Variants in CRADD observed in about 807,000 individuals in gnomAD.
The protein encoded by CRADD is death domain-containing protein CRADD.
Under a neutral mutation model 15.5 loss-of-function variants are expected in CRADD, and 9 were observed. The ratio of observed to expected loss-of-function variants is 0.58; its 90% CI spans 0.35 to 1.01. The LOEUF (loss-of-function observed/expected upper bound fraction) is 1.01, where lower values mean the gene tolerates loss of function less well. CRADD is among the 50% of genes least tolerant of loss of function. CRADD has a pLI of 0.02. For synonymous variants in CRADD, 118 were observed against 107.6 expected, an observed-to-expected ratio of 1.10 and a Z score of -0.60; for missense variants, 227 against 250.3, an observed-to-expected ratio of 0.91 and a Z score of 0.63.
At chr12:93,775,310 CA>C (rs1352951167) in intron 2 of CRADD, among the ~76,000 whole-genome samples, 1 of 152,172 alleles carries the variant, frequency 6.6e-6, no homozygotes, top group East Asian at 1.9e-4. Flanking sequence ...TTTGTAGGGG[CA>C]GGGGTAAGAT....
chr12:93,831,819 A>C (rs900131169), intron 2 of CRADD, among the ~76,000 whole-genome samples: 1 of 152,250 alleles, frequency 6.6e-6, no homozygotes, highest in Non-Finnish European at 1.5e-5. Flanking sequence ...TATCACATGC[A>C]GTCAGGTCAC....
At chr12:93,839,135 C>T (rs1332960736) in intron 2 of CRADD, among the ~76,000 whole-genome samples, 3 of 152,074 alleles carry the variant, frequency 2.0e-5, no homozygotes, top group African/African-American at 7.2e-5. Flanking sequence ...ATTTTTTGCT[C>T]TCCACTGCAT....
chr12:93,714,903 T>C (rs1956135357), intron 2 of CRADD: 2 of 152,110 alleles, frequency 1.3e-5, no homozygotes, highest in Non-Finnish European at 2.9e-5. Flanking sequence ...GACTCTACGA[T>C]TGAGACAAGA....
intron 2 of CRADD, among the ~76,000 whole-genome samples, chr12:93,858,187 CCTT>C (rs1476903111): frequency 6.6e-6 from 1 of 152,198 alleles, no homozygotes; most frequent in Non-Finnish European, 1.5e-5. Flanking sequence ...CAAATCCCCT[CCTT>C]ATGAAAGTGT....
At chr12:93,789,047 AAGGTGAGAGACTG>A (rs1203544956) in intron 2 of CRADD, among the ~76,000 whole-genome samples, 1 of 152,060 alleles carries the variant, frequency 6.6e-6, no homozygotes, top group Non-Finnish European at 1.5e-5. Context: ...CAACCACTTC[AAGGTGAGAGACTG>A]GGGTGGTGGT....
chr12:93,875,068 C>G (rs965942705), intron 2 of CRADD, among the ~76,000 whole-genome samples: 3 of 151,976 alleles, frequency 2.0e-5, no homozygotes, highest in African/African-American at 7.2e-5. Context: ...CCCTTCAGCT[C>G]TAATATTTGT....
At chr12:93,845,563 A>AATAT (rs757508123) in intron 2 of CRADD, among the ~76,000 whole-genome samples, 47 of 71,428 alleles carry the variant, frequency 6.6e-4, no homozygotes, top group Middle Eastern at 8.8e-3. Flanking sequence ...GTCTCTATTA[A>AATAT]ATATATATAT....
intron 2 of CRADD, among the ~76,000 whole-genome samples, chr12:93,890,771 T>G (rs1958570654): frequency 6.6e-6 from 1 of 151,712 alleles, no homozygotes; most frequent in Non-Finnish European, 1.5e-5. Flanking sequence ...TTCTTTTTTT[T>G]TTTTTGAGAC....
At chr12:93,813,798 T>C (rs1374542027) in intron 2 of CRADD, among the ~76,000 whole-genome samples, 1 of 151,928 alleles carries the variant, frequency 6.6e-6, no homozygotes, top group African/African-American at 2.4e-5. Flanking sequence ...AGGATGAGCT[T>C]AGAGCTGCCG....
At chr12:93,832,866 G>A (rs188290973) in intron 2 of CRADD, among the ~76,000 whole-genome samples, 4 of 152,326 alleles carry the variant, frequency 2.6e-5, no homozygotes, top group African/African-American at 9.6e-5. Context: ...TGAAGAAGCA[G>A]TGTTGTCATT....
exon 3 of CRADD, chr12:93,894,247 C>A: frequency 2.7e-5 from 15 of 557,518 alleles, no homozygotes; most frequent in Non-Finnish European, 3.7e-5. Context: ...TTTTGGTTGT[C>A]ACAATTCTGT....
chr12:93,743,801 G>A (rs1956714615), intron 2 of CRADD, among the ~76,000 whole-genome samples: 1 of 151,836 alleles, frequency 6.6e-6, no homozygotes, highest in East Asian at 1.9e-4. Context: ...CAATTTCAAG[G>A]TAGTGCTTGA....
rs1957930629 is a variant in CRADD at position 93,833,256 on chromosome 12, T to C, written c.299-16714T>C. ...GTTGTGTTAGATACCACCCTAAGCA[T>C]GTTTGCAGATGGGAAGATAGATGGA... On this transcript the variant is annotated intron_variant, in intron 2 of 2. Transcript: ENST00000332896. Among the ~76,000 whole-genome samples the C allele has an allele frequency of 2.0e-5, 3 of 152,332 alleles. No individual in the cohort carries two copies. The South Asian group carries it at 6.2e-4, about 32-fold the overall frequency.
intron 2 of CRADD, among the ~76,000 whole-genome samples, chr12:93,806,320 C>T (rs565471611): frequency 4.6e-5 from 7 of 151,756 alleles, no homozygotes; most frequent in South Asian, 2.1e-4. Flanking sequence ...GGCTTGGTGG[C>T]GCATGCCTGT....
chr12:93,786,271 A>G (rs1328879045), intron 2 of CRADD, among the ~76,000 whole-genome samples: 2 of 152,230 alleles, frequency 1.3e-5, no homozygotes, highest in African/African-American at 4.8e-5. Flanking sequence ...CCTGGATTCT[A>G]ACAGACCTAA....
At chr12:93,689,927 A>G (rs1237142997) in intron 2 of CRADD, among the ~76,000 whole-genome samples, 1 of 152,220 alleles carries the variant, frequency 6.6e-6, no homozygotes, top group African/African-American at 2.4e-5. Flanking sequence ...AACACTTTAT[A>G]GATGAGGAAA....
At chr12:93,822,117 C>CAA (rs34990364) in intron 2 of CRADD, among the ~76,000 whole-genome samples, 70,707 of 140,430 alleles carry the variant, frequency 0.5, 17,811 homozygotes, top group East Asian at 0.68. Flanking sequence ...GACTCAGTCT[C>CAA]AAAAAAAAAA....
chr12:93,716,970 G>T (rs1234939879), intron 2 of CRADD, among the ~76,000 whole-genome samples: 1 of 152,158 alleles, frequency 6.6e-6, no homozygotes, highest in Non-Finnish European at 1.5e-5. Flanking sequence ...TTCCAAAGTG[G>T]CTATACCATT....
At chr12:93,858,145 C>T (rs1156585005) in intron 2 of CRADD, among the ~76,000 whole-genome samples, 1 of 152,186 alleles carries the variant, frequency 6.6e-6, no homozygotes, top group Non-Finnish European at 1.5e-5. Flanking sequence ...TCCCAACAGA[C>T]ACTTTAAGGC....
Sources: gnomAD v4.1 joint callset for allele counts (sites outside exome capture counted in the v4.1 genomes callset) on GRCh38, gnomAD v4.1.1 for gene constraint, MANE v1.5 for transcripts, NCBI Gene and HGNC (gene_info 2026-07-23, HGNC 2026-07-21) for gene names.